Variants in ZNF536 observed in about 807,000 individuals in gnomAD.
The protein encoded by ZNF536 is zinc finger protein 536.
A neutral mutation model predicts 84.5 loss-of-function variants in ZNF536; 13 were observed. The ratio of observed to expected loss-of-function variants is 0.15; its 90% CI spans 0.10 to 0.24. ZNF536 has a LOEUF of 0.24. ZNF536 is among the 10% of genes least tolerant of loss of function. The probability of loss-of-function intolerance (pLI) is 1.00; values close to 1 mark genes in which losing one functional copy is unlikely to be tolerated. For missense variants in ZNF536, 1,536 were observed against 1,747.5 expected (o/e 0.88, Z 2.16); for synonymous variants, 811 against 742.5 (o/e 1.09, Z -1.50).
At chr19:30,612,835 C>G (rs1296852249) in intron 1 of ZNF536, among the ~76,000 whole-genome samples, 1 of 152,070 alleles carries the variant, frequency 6.6e-6, no homozygotes. Context: ...ATCTATAGAC[C>G]TTGTTAAAAT....
At chr19:30,660,231 C>A (rs1462458463) in intron 1 of ZNF536, among the ~76,000 whole-genome samples, 1 of 152,224 alleles carries the variant, frequency 6.6e-6, no homozygotes. Flanking sequence ...AATCCTTCAA[C>A]AGCCATGGCA....
At chr19:30,249,913 A>T (rs777769441) in intron 1 of ZNF536, among the ~76,000 whole-genome samples, 4 of 152,188 alleles carry the variant, frequency 2.6e-5, no homozygotes, top group Non-Finnish European at 4.4e-5. Flanking sequence ...ATGCTTGGGG[A>T]CATCCTTTAA....
rs2146237527 is a variant in ZNF536 at position 30,549,099 on chromosome 19, C to T, written c.3480C>T (p.Asp1160=). The T allele has an allele frequency of 6.2e-7, 1 of 1,614,178 alleles. No homozygotes were observed. The highest frequency in any genetic ancestry group is 8.5e-7 in the Non-Finnish European group (1 of 1,180,046). ...PETTSKNTTD[D]LSDIASSEDM... ...CCACGAGTAAGAACACTACTGATGA[C>T]CTCTCTGACATTGCCTCCTCAGAGG... The change falls in exon 4 of 5, where the codon GAC becomes GAT. Residue 1160 remains aspartate, a synonymous_variant. Transcript: ENST00000355537.
intron 1 of ZNF536, among the ~76,000 whole-genome samples, chr19:30,595,413 G>T (rs535366538): frequency 6.6e-6 from 1 of 152,094 alleles, no homozygotes; most frequent in Non-Finnish European, 1.5e-5. Flanking sequence ...TCAGCCTCCC[G>T]AGTAGCTGGC....
At chr19:30,556,117 A>G (rs879825059) in intron 4 of ZNF536, 3 of 152,164 alleles carry the variant, frequency 2.0e-5, no homozygotes, top group East Asian at 1.9e-4. Flanking sequence ...CCTTTGCCCA[A>G]TTGGATAATT....
At chr19:30,470,072 C>T (rs1316021183) in intron 2 of ZNF536, among the ~76,000 whole-genome samples, 1 of 152,230 alleles carries the variant, frequency 6.6e-6, no homozygotes, top group African/African-American at 2.4e-5. Flanking sequence ...CGTGGACAGC[C>T]TCCTCCCAGG....
intron 2 of ZNF536, among the ~76,000 whole-genome samples, chr19:30,462,973 G>A (rs199585552): frequency 7.6e-5 from 11 of 143,888 alleles, no homozygotes; most frequent in African/African-American, 1.8e-4. Context: ...GCATTTGCCT[G>A]TGTTGGAATG....
chr19:30,365,028 A>G (rs1484094952), intron 3 of ZNF536, among the ~76,000 whole-genome samples: 5 of 152,258 alleles, frequency 3.3e-5, no homozygotes, highest in Non-Finnish European at 2.9e-5. Context: ...CTTCCTGGTC[A>G]GAGGGTCAAG....
chr19:30,306,994 T>TTATA (rs760849861), intron 2 of ZNF536, among the ~76,000 whole-genome samples: 1 of 151,638 alleles, frequency 6.6e-6, no homozygotes, highest in Non-Finnish European at 1.5e-5. Context: ...AATTATATTT[T>TTATA]TATATATATA....
At position 30,645,003 on chromosome 19, in the gene ZNF536, A is replaced by G. The variant is rs142362416; in HGVS notation, c.170-65754A>G. On this transcript the variant is annotated intron_variant, in intron 1 of 1. Coordinates refer to the ZNF536 transcript ENST00000592773. ...CCACCAACAGTGTAAAAGTGTTCCTATTTCTCCATATCTTCTCCAGCACCT... is the reference window on the plus strand; with the variant it reads ...CCACCAACAGTGTAAAAGTGTTCCTGTTTCTCCATATCTTCTCCAGCACCT... Among the ~76,000 whole-genome samples, 562 of 152,102 alleles carry G rather than the reference A, an allele frequency of 3.7e-3. 4 individuals are homozygous for G. Among genetic ancestry groups the G allele is most frequent in the African/African-American group, 0.013 (544 of 41,450 alleles).
intron 1 of ZNF536, among the ~76,000 whole-genome samples, chr19:30,657,810 A>G (rs1278291011): frequency 6.6e-6 from 1 of 152,162 alleles, no homozygotes; most frequent in East Asian, 1.9e-4. Context: ...AGACCTGTTA[A>G]TTCCATCTCA....
At chr19:30,707,974 G>A (rs1317896025) in intron 1 of ZNF536, among the ~76,000 whole-genome samples, 2 of 144,404 alleles carry the variant, frequency 1.4e-5, no homozygotes, top group Non-Finnish European at 3.0e-5. Context: ...TCATGCCACT[G>A]CATTGCAGCC....
rs2148227289 is a variant in ZNF536, at chr19:30,445,502, T to C, written c.1940T>C (p.Val647Ala). The change falls in exon 2 of 5, where the codon GTC becomes GCC. Residue 647 changes from valine (V) to alanine (A), a missense_variant. Physicochemically the swap from Val to Ala is moderately conservative, Grantham distance 64. This residue lies in a region of ZNF536 where 366 missense variants were observed against 364.4 expected (regional missense o/e 1.00). Coordinates refer to ENST00000355537, the MANE Select transcript of ZNF536 (RefSeq NM_014717.3). The surrounding 1 kb of genome is among the most constrained non-coding windows in gnomAD (Gnocchi z 4.5). ...GRVFRTYHQV[V>A]VHSRVHKRDR... ...GTGTTCCGCACTTACCACCAGGTGGTCGTGCACTCCCGTGTCCACAAGCGG... is the reference window on the plus strand; with the variant it reads ...GTGTTCCGCACTTACCACCAGGTGGCCGTGCACTCCCGTGTCCACAAGCGG... 6.2e-7 allele frequency: 1 copy of C among 1,613,754 alleles called. No individual in the cohort carries two copies. Among genetic ancestry groups the C allele is most frequent in the Non-Finnish European group, 8.5e-7 (1 of 1,179,954 alleles).
At chr19:30,303,414 T>C (rs1238847551) in intron 2 of ZNF536, among the ~76,000 whole-genome samples, 1 of 151,996 alleles carries the variant, frequency 6.6e-6, no homozygotes, top group Non-Finnish European at 1.5e-5. Flanking sequence ...CAGGTTTCTG[T>C]GATCAGCTAG....
intron 1 of ZNF536, among the ~76,000 whole-genome samples, chr19:30,396,450 T>C (rs951929701): frequency 3.3e-5 from 5 of 152,226 alleles, no homozygotes; most frequent in Non-Finnish European, 7.3e-5. Context: ...CTTCCATCCA[T>C]CTTTCTTTGA....
In ZNF536 at chr19:30,251,719, A is replaced by C. The variant is rs180717777; in HGVS notation, c.-190+23046A>C. Among the ~76,000 whole-genome samples, 91 of 152,126 alleles carry C rather than the reference A, an allele frequency of 6.0e-4. No homozygotes were observed. The East Asian group carries it at 0.014, about 24-fold the overall frequency. ...CACTGCACACAATTTGTAGTCTTTTATTCCTCACTCACTTCCTACCCTTTC... is the reference window on the plus strand; with the variant it reads ...CACTGCACACAATTTGTAGTCTTTTCTTCCTCACTCACTTCCTACCCTTTC... On this transcript the variant is annotated intron_variant, in intron 1 of 5. Coordinates refer to the ZNF536 transcript ENST00000585628.
intron 1 of ZNF536, among the ~76,000 whole-genome samples, chr19:30,569,634 G>T (rs142869805): frequency 1.6e-5 from 2 of 127,510 alleles, no homozygotes; most frequent in Non-Finnish European, 3.1e-5. Context: ...GCAGTGGCAT[G>T]ATCTCCACTC....
chr19:30,415,737 A>G (rs560686949), intron 1 of ZNF536, among the ~76,000 whole-genome samples: 1 of 152,150 alleles, frequency 6.6e-6, no homozygotes, highest in East Asian at 1.9e-4. Flanking sequence ...CAGCCTCCCA[A>G]GTAGCTGGGA....
intron 2 of ZNF536, among the ~76,000 whole-genome samples, chr19:30,349,727 G>A (rs1235918201): frequency 6.6e-6 from 1 of 151,870 alleles, no homozygotes. Flanking sequence ...CTGTTACTCT[G>A]CTTGATTTAA....
Sources: gnomAD v4.1 joint callset for allele counts (sites outside exome capture counted in the v4.1 genomes callset) on GRCh38, gnomAD v4.1.1 for gene constraint, gnomAD v4.1.1 regional missense constraint, Gnocchi (gnomAD v3.1) non-coding constraint, MANE v1.5 for transcripts, NCBI Gene and HGNC (gene_info 2026-07-23, HGNC 2026-07-21) for gene names.